DCC: variants seen among roughly 807,000 people sequenced by gnomAD.
DCC encodes DCC netrin 1 receptor.
In DCC, 58 loss-of-function variants were observed where a neutral mutation model predicts 172.5. The observed-to-expected ratio is 0.34, with a 90% CI of 0.27 to 0.42. The LOEUF is 0.42. Ranked by LOEUF, DCC falls within the 10% of genes least tolerant of loss-of-function variation. DCC has a pLI of 1.00. For missense variants in DCC, 1,740 were observed against 1,791.0 expected, an observed-to-expected ratio of 0.97 and a Z score of 0.51; for synonymous variants, 709 against 644.5, an observed-to-expected ratio of 1.10 and a Z score of -1.52.
intron 2 of DCC, among the ~76,000 whole-genome samples, chr18:52,897,291 G>A (rs1007947578): frequency 2.0e-5 from 3 of 152,154 alleles, no homozygotes; most frequent in African/African-American, 7.2e-5. Context: ...GCCTATTTTT[G>A]GCCTAGGGCA....
chr18:52,343,377 G>C (rs1598848562), intron 1 of DCC, among the ~76,000 whole-genome samples: 1 of 152,236 alleles, frequency 6.6e-6, no homozygotes, highest in Non-Finnish European at 1.5e-5. Context: ...TTTGTTGATT[G>C]GTAACAAAGG....
intron 1 of DCC, among the ~76,000 whole-genome samples, chr18:52,481,045 C>A (rs1236023219): frequency 2.6e-5 from 4 of 152,050 alleles, no homozygotes; most frequent in African/African-American, 4.8e-5. Context: ...TCCTTGAATA[C>A]CTCATCTACT....
At chr18:53,010,801 T>G (rs1280451540) in intron 5 of DCC, among the ~76,000 whole-genome samples, 4 of 150,998 alleles carry the variant, frequency 2.6e-5, no homozygotes, top group African/African-American at 9.7e-5. Context: ...AAGTAAGAAA[T>G]ATAAAAAAGT....
At chr18:53,319,258 A>C (rs1370559848) in intron 13 of DCC, among the ~76,000 whole-genome samples, 2 of 152,212 alleles carry the variant, frequency 1.3e-5, no homozygotes, top group Non-Finnish European at 1.5e-5. Flanking sequence ...ATTCACACAT[A>C]ATAATATTAA....
chr18:52,752,133 C>G lies in DCC; in HGVS notation c.171C>G (p.Val57=). 6.2e-7 allele frequency: 1 copy of G among 1,614,186 alleles called. No individual in the cohort carries two copies. The highest frequency in any genetic ancestry group is 2.2e-5 in the East Asian group (1 of 44,862). Residue 57 remains valine (V), a synonymous_variant, in exon 2 of 29, where the codon GTC becomes GTG. Coordinates refer to ENST00000442544, the MANE Select transcript of DCC (RefSeq NM_005215.4). Reference sequence around the variant, plus strand: ...CCGTCACAATGCGGGGAGGAAATGTCCTCCTCGACTGCTCCGCGGAGTCCG... The same window carrying G: ...CCGTCACAATGCGGGGAGGAAATGTGCTCCTCGACTGCTCCGCGGAGTCCG... ...SDAVTMRGGN[V]LLDCSAESDR...
intron 12 of DCC, among the ~76,000 whole-genome samples, chr18:53,256,046 T>G (rs1008294665): frequency 6.6e-6 from 1 of 152,228 alleles, no homozygotes; most frequent in Non-Finnish European, 1.5e-5. Flanking sequence ...CTTCACCCAC[T>G]TTTTGATGGG....
intron 14 of DCC, among the ~76,000 whole-genome samples, chr18:53,327,207 C>T (rs1229610084): frequency 6.6e-6 from 1 of 151,998 alleles, no homozygotes; most frequent in African/African-American, 2.4e-5. Context: ...ATTATAAAAC[C>T]AAACCACATT....
intron 19 of DCC, among the ~76,000 whole-genome samples, chr18:53,404,852 TAG>T (rs1380183099): frequency 1.3e-5 from 2 of 152,148 alleles, no homozygotes; most frequent in Non-Finnish European, 2.9e-5. Flanking sequence ...ACTCTTTACT[TAG>T]ATTTATACGT....
At chr18:52,991,928 T>G (rs1164996275) in intron 5 of DCC, among the ~76,000 whole-genome samples, 3 of 152,206 alleles carry the variant, frequency 2.0e-5, no homozygotes, top group Non-Finnish European at 1.5e-5. Context: ...AAATCACTTA[T>G]TATAACGCAA....
At chr18:52,675,816 A>G (rs1485508458) in intron 1 of DCC, among the ~76,000 whole-genome samples, 1 of 152,210 alleles carries the variant, frequency 6.6e-6, no homozygotes, top group African/African-American at 2.4e-5. Flanking sequence ...CAATTAGCAA[A>G]TTCTGTGAAC....
At chr18:53,191,906 C>G (rs1465890785) in intron 9 of DCC, among the ~76,000 whole-genome samples, 1 of 152,042 alleles carries the variant, frequency 6.6e-6, no homozygotes, top group Non-Finnish European at 1.5e-5. Context: ...AGCAGCACAC[C>G]AGGGTTCCCG....
At chr18:52,448,978 T>C (rs1185849560) in intron 1 of DCC, among the ~76,000 whole-genome samples, 1 of 152,244 alleles carries the variant, frequency 6.6e-6, no homozygotes, top group East Asian at 1.9e-4. Flanking sequence ...GATAAAGACA[T>C]ACCCAAGATT....
intron 1 of DCC, among the ~76,000 whole-genome samples, chr18:52,698,128 A>ATCTT (rs1359168153): frequency 6.6e-6 from 1 of 152,204 alleles, no homozygotes; most frequent in Non-Finnish European, 1.5e-5. Context: ...ATTTAATGAA[A>ATCTT]TCTTTTAAGA....
intron 8 of DCC, among the ~76,000 whole-genome samples, chr18:53,168,617 G>A (rs1211454960): frequency 6.6e-6 from 1 of 151,876 alleles, no homozygotes; most frequent in Admixed American, 6.6e-5. Context: ...AATACCTAAT[G>A]TAGATGACAG....
intron 11 of DCC, among the ~76,000 whole-genome samples, chr18:53,213,647 C>CAAAAAAAAA (rs34284373): frequency 5.7e-5 from 2 of 35,348 alleles, no homozygotes; most frequent in African/African-American, 1.2e-4. Flanking sequence ...GACTCCGTCT[C>CAAAAAAAAA]AAAAAAAAAA....
chr18:53,072,316 T>C (rs1267292441), intron 7 of DCC, among the ~76,000 whole-genome samples: 1 of 152,170 alleles, frequency 6.6e-6, no homozygotes. Flanking sequence ...TTAAGGACCC[T>C]GTTTGGTAGC....
At chr18:53,298,074 A>G (rs2057088441) in intron 12 of DCC, among the ~76,000 whole-genome samples, 1 of 152,186 alleles carries the variant, frequency 6.6e-6, no homozygotes, top group Admixed American at 6.5e-5. Flanking sequence ...AATTTAAGCG[A>G]TCACTGGAAA....
At chr18:53,377,116 T>C (rs541845397) in intron 15 of DCC, among the ~76,000 whole-genome samples, 7 of 150,970 alleles carry the variant, frequency 4.6e-5, no homozygotes, top group Non-Finnish European at 7.3e-5. Flanking sequence ...AAAAGGTAGA[T>C]AACACAGAGG....
intron 1 of DCC, among the ~76,000 whole-genome samples, chr18:52,385,295 A>T (rs1276170492): frequency 6.6e-6 from 1 of 151,938 alleles, no homozygotes; most frequent in Non-Finnish European, 1.5e-5. Flanking sequence ...TTTATTTTGG[A>T]GACAGAGTCT....
Sources: gnomAD v4.1 joint callset for allele counts (sites outside exome capture counted in the v4.1 genomes callset) on GRCh38, gnomAD v4.1.1 for gene constraint, MANE v1.5 for transcripts, NCBI Gene and HGNC (gene_info 2026-07-23, HGNC 2026-07-21) for gene names.